BAZ2B: variants seen among roughly 807,000 people sequenced by gnomAD.
The protein encoded by BAZ2B is bromodomain adjacent to zinc finger domain protein 2B.
Under a neutral mutation model 246.0 loss-of-function variants are expected in BAZ2B, and 91 were observed. The observed-to-expected ratio is 0.37, with a 90% confidence interval of 0.31 to 0.44. BAZ2B has a LOEUF of 0.44. BAZ2B is among the 20% of genes least tolerant of loss of function. BAZ2B has a pLI of 1.00. For missense variants in BAZ2B, 2,332 were observed against 2,533.7 expected (o/e 0.92, Z 1.71); for synonymous variants, 855 against 860.0 (o/e 0.99, Z 0.10).
At chr2:159,517,998 A>C (rs971905310) in intron 2 of BAZ2B, among the ~76,000 whole-genome samples, 1 of 152,220 alleles carries the variant, frequency 6.6e-6, no homozygotes, top group African/African-American at 2.4e-5. Context: ...TGCAAAACAC[A>C]GTTCTTATTT....
intron 10 of BAZ2B, among the ~76,000 whole-genome samples, 187 bp downstream of exon 10, chr2:159,430,676 G>T (rs1484850779): frequency 6.6e-6 from 1 of 151,844 alleles, no homozygotes; most frequent in Non-Finnish European, 1.5e-5. Flanking sequence ...CTGGAAACTC[G>T]GGGGGAAAAA....
chr2:159,426,849 A>C (rs2070015815), intron 13 of BAZ2B, among the ~76,000 whole-genome samples: 1 of 152,180 alleles, frequency 6.6e-6, no homozygotes, highest in Admixed American at 6.5e-5. Context: ...TCAAAATTAT[A>C]AAATTAAAGG....
the BAZ2B span, among the ~76,000 whole-genome samples, chr2:159,627,862 A>G: frequency 6.6e-6 from 1 of 152,350 alleles, no homozygotes; most frequent in African/African-American, 2.4e-5. Flanking sequence ...TCAAATAGGA[A>G]AAGAGGAAGT....
At chr2:159,463,256 T>C (rs1485268814) in intron 3 of BAZ2B, 2 of 421,896 alleles carry the variant, frequency 4.7e-6, no homozygotes, top group Non-Finnish European at 9.2e-6. Flanking sequence ...AAGTTGGCCA[T>C]CTTGGGCTGT....
chr2:159,684,456 A>G, the BAZ2B span, among the ~76,000 whole-genome samples: 10 of 152,252 alleles, frequency 6.6e-5, no homozygotes, highest in Non-Finnish European at 1.3e-4. Context: ...GTTACCCACT[A>G]AATAAAGAAA....
At chr2:159,643,897 A>G in the BAZ2B span, among the ~76,000 whole-genome samples, 1 of 149,984 alleles carries the variant, frequency 6.7e-6, no homozygotes, top group Admixed American at 6.6e-5. Flanking sequence ...AAAAAAAAAA[A>G]AGTCTTAACT....
the BAZ2B span, among the ~76,000 whole-genome samples, chr2:159,671,434 C>T: frequency 6.6e-6 from 1 of 152,102 alleles, no homozygotes; most frequent in African/African-American, 2.4e-5. Context: ...GGTACTACCT[C>T]AAATACTTTT....
At chr2:159,407,202 T>C (rs1266647968) in intron 14 of BAZ2B, among the ~76,000 whole-genome samples, 5 of 151,740 alleles carry the variant, frequency 3.3e-5, no homozygotes, top group African/African-American at 1.2e-4. Flanking sequence ...CTGGGCACAG[T>C]GGCTCATGCC....
chr2:159,584,220 CA>C (rs1267761692), intron 1 of BAZ2B, among the ~76,000 whole-genome samples: 1 of 151,858 alleles, frequency 6.6e-6, no homozygotes. Flanking sequence ...GTCCCAGGTT[CA>C]AGCGATTCTC....
chr2:159,326,072 A>G (rs990459548), intron 34 of BAZ2B, among the ~76,000 whole-genome samples, 154 bp from the exon 35 acceptor site: 1 of 152,148 alleles, frequency 6.6e-6, no homozygotes, highest in Non-Finnish European at 1.5e-5. Flanking sequence ...AGATCTGTGT[A>G]TTTTTTCCTC....
At position 159,320,209 on chromosome 2, in the gene BAZ2B, T is replaced by C. The variant is rs1216239806; in HGVS notation, c.*56A>G. 7.8e-6 allele frequency: 11 copies of C among 1,410,398 alleles called. No individual in the cohort carries two copies. The East Asian group carries it at 2.4e-4, about 30-fold the overall frequency. 87.4% of individuals were successfully genotyped at this position (1,410,398 alleles called of 1,614,324 possible). On this transcript the variant is annotated 3_prime_UTR_variant, in exon 37 of 37. Transcript: ENST00000392783. The stretch of plus-strand genomic sequence containing the variant: ...ACGTTTATGTAAATACAGTTCACAT[T>C]GCTGGTCTCATTTGTCCTTGTTTAG...
chr2:159,468,237 G>A (rs2077330068), intron 3 of BAZ2B, among the ~76,000 whole-genome samples: 1 of 152,098 alleles, frequency 6.6e-6, no homozygotes, highest in Admixed American at 6.5e-5. Flanking sequence ...CAGGCGGCAG[G>A]AAGTACGAAG....
At position 159,349,255 on chromosome 2, in the gene BAZ2B, C is replaced by T; in HGVS notation, c.4889G>A (p.Gly1630Glu). 3 of 1,612,636 alleles carry T rather than the reference C, an allele frequency of 1.9e-6. No individual in the cohort carries two copies. The highest frequency in any genetic ancestry group is 1.3e-5 in the African/African-American group (1 of 74,992). Reference sequence around the variant, plus strand: ...AGTGGGCCATCCACAAAACTGAAGTCCCATCATAGATACTCCACCTTTCAC... The same window carrying T: ...AGTGGGCCATCCACAAAACTGAAGTTCCATCATAGATACTCCACCTTTCAC... ...LQVKGGVSMM[G>E]LQFCGWPTGV... Residue 1630 changes from glycine to glutamate, a missense_variant, in exon 29 of 37, where the codon GGA becomes GAA. Coordinates refer to ENST00000392783, the MANE Select transcript of BAZ2B (RefSeq NM_013450.4).
At chr2:159,641,053 A>G in the BAZ2B span, among the ~76,000 whole-genome samples, 1 of 152,200 alleles carries the variant, frequency 6.6e-6, no homozygotes, top group Non-Finnish European at 1.5e-5. Context: ...ATTACAACTG[A>G]TATTGCAGAA....
intron 2 of BAZ2B, among the ~76,000 whole-genome samples, chr2:159,481,248 G>C (rs2079191860): frequency 6.6e-6 from 1 of 151,878 alleles, no homozygotes. Context: ...CCATCAACTT[G>C]ATAGTTAAAA....
intron 14 of BAZ2B, among the ~76,000 whole-genome samples, chr2:159,411,426 A>G (rs1471566602): frequency 6.6e-6 from 1 of 152,234 alleles, no homozygotes; most frequent in Non-Finnish European, 1.5e-5. Context: ...TAAGTCTTTT[A>G]TACATTTCCT....
intron 2 of BAZ2B, among the ~76,000 whole-genome samples, chr2:159,514,255 G>A (rs1471437577): frequency 1.3e-5 from 2 of 152,052 alleles, no homozygotes; most frequent in East Asian, 3.8e-4. Flanking sequence ...CATGTACCTA[G>A]AACACCACAC....
At position 159,348,804 on chromosome 2, in the gene BAZ2B, C is replaced by T. The variant is rs535875634; in HGVS notation, c.5167G>A (p.Asp1723Asn). ...EMQFGWWRII[D>N]PEDLKALLKV... The stretch of plus-strand genomic sequence containing the variant: ...AGCAAAGCTTTTAGGTCCTCTGGGT[C>T]AATAATTCTCCACCAACCAAACTGC... Residue 1723 changes from aspartate (D) to asparagine (N), a missense_variant, in exon 30 of 37, where the codon GAC becomes AAC. Around this residue, in one of 9 missense-constraint regions of BAZ2B, gnomAD observed 676 missense variants for 668.6 expected, o/e 1.01. Coordinates refer to ENST00000392783, the MANE Select transcript of BAZ2B (RefSeq NM_013450.4). 1.2e-6 allele frequency: 2 copies of T among 1,606,524 alleles called. No homozygotes were observed. Among genetic ancestry groups the T allele is most frequent in the Non-Finnish European group, 1.7e-6 (2 of 1,178,240 alleles).
the BAZ2B span, among the ~76,000 whole-genome samples, chr2:159,634,465 A>G: frequency 6.6e-6 from 1 of 152,354 alleles, no homozygotes; most frequent in Non-Finnish European, 1.5e-5. Flanking sequence ...AATGGTAATT[A>G]TCCATTAGCA....
Sources: gnomAD v4.1 joint callset for allele counts (sites outside exome capture counted in the v4.1 genomes callset) on GRCh38, gnomAD v4.1.1 for gene constraint, gnomAD v4.1.1 regional missense constraint, MANE v1.5 for transcripts, NCBI Gene and HGNC (gene_info 2026-07-23, HGNC 2026-07-21) for gene names.